PCDHGA2: variants seen among roughly 807,000 people sequenced by gnomAD.
PCDHGA2 encodes protocadherin gamma-A2.
A neutral mutation model predicts 59.2 loss-of-function variants in PCDHGA2; 40 were observed. That is an observed-to-expected ratio of 0.68 (90% CI 0.52 to 0.88). PCDHGA2 has a LOEUF of 0.88. Ranked by LOEUF, PCDHGA2 falls within the 40% of genes least tolerant of loss-of-function variation. The pLI is 0.00. For synonymous variants in PCDHGA2, 560 were observed against 526.0 expected (o/e 1.06, Z -0.89); for missense variants, 1,226 against 1,204.0 (o/e 1.02, Z -0.27).
At chr5:141,498,971 GGGAAGGAA>G (rs201769957) in intron 2 of PCDHGA2, among the ~76,000 whole-genome samples, 18,877 of 110,786 alleles carry the variant, frequency 0.17, 1,784 homozygotes, top group Admixed American at 0.31. Context: ...GAGGGAGGGA[GGGAAGGAA>G]GGAAGGAAGG....
intron 1 of PCDHGA2, chr5:141,350,317 G>A: frequency 6.5e-7 from 1 of 1,527,098 alleles, no homozygotes; most frequent in Non-Finnish European, 8.8e-7. Flanking sequence ...TTCCCTTCCT[G>A]CTGTCTTTGT....
At chr5:141,360,241 T>G (rs371403228) in intron 1 of PCDHGA2, 1 of 1,613,930 alleles carries the variant, frequency 6.2e-7, no homozygotes, top group Non-Finnish European at 8.5e-7. Flanking sequence ...GATCCGCTAT[T>G]CAATTCCAGA....
At chr5:141,361,796 A>G (rs1762187371) in intron 1 of PCDHGA2, 3 of 1,613,122 alleles carry the variant, frequency 1.9e-6, no homozygotes, top group Middle Eastern at 3.3e-4. Flanking sequence ...TTAGTGGGCG[A>G]CCTCAATGAC....
At chr5:141,412,922 A>G in intron 1 of PCDHGA2, 1 of 420,478 alleles carries the variant, frequency 2.4e-6, no homozygotes, top group Non-Finnish European at 4.2e-6. Flanking sequence ...ACTTGGGTGC[A>G]GTAACTTCTT....
At chr5:141,413,498 T>G (rs1187570193) in intron 1 of PCDHGA2, 1 of 1,614,026 alleles carries the variant, frequency 6.2e-7, no homozygotes, top group Admixed American at 1.7e-5. Context: ...CGGTGCGTGG[T>G]GAGTTTTAAT....
At chr5:141,482,768 CTGA>C (rs2099572195) in intron 1 of PCDHGA2, among the ~76,000 whole-genome samples, 1 of 126,868 alleles carries the variant, frequency 7.9e-6, no homozygotes, top group Admixed American at 7.7e-5. Flanking sequence ...TTCATTATCA[CTGA>C]ACCTTAAACT....
Position 141,487,463 on chromosome 5 carries a change from G to T in PCDHGA2, c.2425-7344G>T, listed in dbSNP as rs754798527. 1 of 1,614,136 alleles carries T rather than the reference G, an allele frequency of 6.2e-7. No homozygotes were observed. The highest frequency in any genetic ancestry group is 1.7e-5 in the Admixed American group (1 of 60,016). ...GTCAGATGACCCTATCAAGTTTGTT[G>T]ATGTGGGAGGCCACTCTCATGGCTG... On this transcript the variant is annotated intron_variant, in intron 1 of 3. Coordinates refer to ENST00000394576, the MANE Select transcript of PCDHGA2 (RefSeq NM_018915.4). The surrounding 1 kb of genome is among the most constrained non-coding windows in gnomAD (Gnocchi z 5.0).
intron 1 of PCDHGA2, among the ~76,000 whole-genome samples, chr5:141,436,199 A>G (rs576607542): frequency 7.2e-5 from 11 of 152,282 alleles, no homozygotes; most frequent in East Asian, 5.8e-4. Context: ...AAAGAAAGAC[A>G]TAATAGGAAA....
Position 141,465,218 on chromosome 5 carries a change from A to G in PCDHGA2, c.2425-29589A>G, listed in dbSNP as rs151158068. ...ATAAAAATATAAGCTTTATTTTTCA[A>G]CATGAGCTCCATCAAGTTCAAGGCA... On this transcript the variant is annotated intron_variant, in intron 1 of 3. Coordinates refer to ENST00000394576, the MANE Select transcript of PCDHGA2 (RefSeq NM_018915.4). Among the ~76,000 whole-genome samples, 591 of 152,288 alleles carry G rather than the reference A, an allele frequency of 3.9e-3. 6 individuals carry two copies. The highest frequency in any genetic ancestry group is 0.011 in the Admixed American group (171 of 15,290).
At chr5:141,384,646 G>A (rs1780315410) in intron 1 of PCDHGA2, 2 of 1,614,230 alleles carry the variant, frequency 1.2e-6, no homozygotes, top group Non-Finnish European at 1.7e-6. Flanking sequence ...CCGCTCCGCA[G>A]AGCCCGGCTA....
intron 1 of PCDHGA2, chr5:141,403,468 C>G: frequency 6.2e-7 from 1 of 1,614,054 alleles, no homozygotes; most frequent in Non-Finnish European, 8.5e-7. Flanking sequence ...GCTACCAGCT[C>G]AGCCCCAATC....
At position 141,361,943 on chromosome 5, in the gene PCDHGA2, G is replaced by T. The variant is rs758202252; in HGVS notation, c.2424+20548G>T. ...GACGCAGACTCAGGACACAACGCTTGGCTGTCCTACCACGTGCTGCAGGCC... is the reference window on the plus strand; with the variant it reads ...GACGCAGACTCAGGACACAACGCTTTGCTGTCCTACCACGTGCTGCAGGCC... On this transcript the variant is annotated intron_variant, in intron 1 of 3. Coordinates refer to ENST00000394576, the MANE Select transcript of PCDHGA2 (RefSeq NM_018915.4). 6.2e-6 allele frequency: 10 copies of T among 1,605,254 alleles called. No individual in the cohort carries two copies. In the Admixed American group the frequency reaches 1.7e-4, roughly 27 times the overall value.
intron 1 of PCDHGA2, chr5:141,394,908 G>A (rs763489153): frequency 3.1e-6 from 5 of 1,613,652 alleles, no homozygotes; most frequent in East Asian, 2.2e-5. Flanking sequence ...GGCAGTGGCT[G>A]CCATCTCCTG....
At chr5:141,463,650 A>G (rs1206605758) in intron 1 of PCDHGA2, among the ~76,000 whole-genome samples, 1 of 151,746 alleles carries the variant, frequency 6.6e-6, no homozygotes, top group South Asian at 2.1e-4. Flanking sequence ...ACGGGGTTTC[A>G]CCGTGTTAGC....
In PCDHGA2 at chr5:141,350,942, C is replaced by T. The variant is rs751150104; in HGVS notation, c.2424+9547C>T. ...AAGCGGCACCACCCATATCTGGATC[C>T]GAGTTACGGATGCCAATGATAATGC... On this transcript the variant is annotated intron_variant, in intron 1 of 3. Coordinates refer to ENST00000394576, the MANE Select transcript of PCDHGA2 (RefSeq NM_018915.4). 7 of 1,614,082 alleles carry T rather than the reference C, an allele frequency of 4.3e-6. No homozygotes were observed. The South Asian group carries it at 5.5e-5, about 13-fold the overall frequency.
chr5:141,410,352 G>T (rs754268147), intron 1 of PCDHGA2: 4 of 1,614,022 alleles, frequency 2.5e-6, no homozygotes, highest in South Asian at 2.2e-5. Flanking sequence ...CGCCTGCGAC[G>T]CTCTCTCAGC....
At chr5:141,453,206 T>G (rs914064627) in intron 1 of PCDHGA2, among the ~76,000 whole-genome samples, 8 of 152,102 alleles carry the variant, frequency 5.3e-5, no homozygotes, top group African/African-American at 1.9e-4. Context: ...CTCAACCTCG[T>G]GCACTTAAGC....
chr5:141,421,418 G>C, intron 1 of PCDHGA2: 1 of 1,614,086 alleles, frequency 6.2e-7, no homozygotes, highest in Middle Eastern at 1.7e-4. Context: ...GCGAAGCGCG[G>C]AGTCCGCATC....
chr5:141,487,667 A>G lies in PCDHGA2; in HGVS notation c.2425-7140A>G, dbSNP rs2099657916. ...GCTTGAGGGTTATTCTGATCCAGGC[A>G]TATGGCTAGGCCATGTCCTAGAGAG... On this transcript the variant is annotated intron_variant, in intron 1 of 3. Transcript: ENST00000394576. This position sits in a 1 kb window ranked among gnomAD's most constrained non-coding sequence, Gnocchi z 5.0. 6.2e-7 allele frequency: 1 copy of G among 1,612,782 alleles called. No individual in the cohort carries two copies. The highest frequency in any genetic ancestry group is 1.1e-5 in the South Asian group (1 of 90,692).
Sources: allele counts gnomAD v4.1 joint callset (sites outside exome capture counted in the v4.1 genomes callset), GRCh38; gene constraint gnomAD v4.1.1; non-coding constraint Gnocchi (gnomAD v3.1); transcripts MANE v1.5; gene names NCBI Gene and HGNC (gene_info 2026-07-23, HGNC 2026-07-21).